Variants in UTS2B observed in about 807,000 individuals in gnomAD.
UTS2B encodes the protein urotensin 2B.
Under a neutral mutation model 19.2 loss-of-function variants are expected in UTS2B, and 21 were observed. The observed-to-expected ratio is 1.09, with a 90% CI of 0.78 to 1.58. The LOEUF is 1.58. Ranked by LOEUF, UTS2B falls within the 40% of genes most tolerant of loss-of-function variation. The pLI is 0.00. For missense variants in UTS2B, 138 were observed against 130.3 expected (o/e 1.06, Z -0.29); for synonymous variants, 57 against 50.2 (o/e 1.14, Z -0.58).
intron 8 of UTS2B, 60 bp from the exon 9 acceptor site, chr3:191,268,501 GAATC>G: frequency 7.9e-7 from 1 of 1,262,754 alleles, no homozygotes; most frequent in African/African-American, 1.5e-5. Context: ...ACTTGCTCTT[GAATC>G]AATAGCTTAT....
At chr3:191,301,060 T>C (rs113571772) in intron 4 of UTS2B, among the ~76,000 whole-genome samples, 7 of 152,288 alleles carry the variant, frequency 4.6e-5, no homozygotes, top group African/African-American at 1.7e-4. Flanking sequence ...TTTTTCTTCT[T>C]TATTTATGAA....
the UTS2B span, among the ~76,000 whole-genome samples, chr3:191,339,322 GA>G: frequency 3.2e-4 from 49 of 152,244 alleles, no homozygotes; most frequent in African/African-American, 1.2e-3. Flanking sequence ...GCAGTGCTAC[GA>G]AAAACAAATG....
intron 5 of UTS2B, among the ~76,000 whole-genome samples, chr3:191,281,530 G>A (rs1361732678): frequency 6.6e-6 from 1 of 151,422 alleles, no homozygotes; most frequent in Non-Finnish European, 1.5e-5. Context: ...TGTCATAGAT[G>A]GAAATGTGAT....
chr3:191,328,945 G>GT (rs1460160181), intron 1 of UTS2B: 1 of 152,208 alleles, frequency 6.6e-6, no homozygotes. Flanking sequence ...TGTATTTGGG[G>GT]TTTTTATGGC....
intron 2 of UTS2B, among the ~76,000 whole-genome samples, chr3:191,323,684 T>C (rs1162384806): frequency 6.6e-6 from 1 of 152,074 alleles, no homozygotes; most frequent in African/African-American, 2.4e-5. Flanking sequence ...GAATTGAGGG[T>C]ATTGAGTAGG....
At chr3:191,329,341 G>T (rs1576941747) in intron 1 of UTS2B, 1 of 287,802 alleles carries the variant, frequency 3.5e-6, no homozygotes, top group Non-Finnish European at 6.4e-6. Flanking sequence ...CCCCCAGCCG[G>T]CCCGCCCGCC....
chr3:191,274,331 A>G (rs1716172145), intron 8 of UTS2B, among the ~76,000 whole-genome samples: 1 of 152,228 alleles, frequency 6.6e-6, no homozygotes, highest in Non-Finnish European at 1.5e-5. Context: ...TAATTTTTTA[A>G]GTTAAGCTTA....
At chr3:191,322,954 G>GAAGA (rs1192600250) in intron 2 of UTS2B, among the ~76,000 whole-genome samples, 1 of 152,178 alleles carries the variant, frequency 6.6e-6, no homozygotes, top group Non-Finnish European at 1.5e-5. Context: ...AATTGGAACA[G>GAAGA]AAGAAAGCCC....
chr3:191,303,546 ACT>A (rs1717057969), intron 4 of UTS2B, among the ~76,000 whole-genome samples: 1 of 150,584 alleles, frequency 6.6e-6, no homozygotes, highest in Non-Finnish European at 1.5e-5. Context: ...AAAAAAAAAA[ACT>A]CACTGTTAAT....
chr3:191,304,430 ACTAG>A (rs1310250334), intron 4 of UTS2B, 58 bp downstream of exon 4: 1 of 152,164 alleles, frequency 6.6e-6, no homozygotes, highest in Non-Finnish European at 1.5e-5. Context: ...CACGTTGGTA[ACTAG>A]CTAGTTAACA....
chr3:191,298,131 A>G (rs1482692560), intron 4 of UTS2B, among the ~76,000 whole-genome samples: 1 of 152,208 alleles, frequency 6.6e-6, no homozygotes, highest in East Asian at 1.9e-4. Context: ...TTTTTAGGGA[A>G]AAAAGGTAAG....
intron 2 of UTS2B, among the ~76,000 whole-genome samples, chr3:191,326,634 C>T (rs955935453): frequency 6.6e-6 from 1 of 152,196 alleles, no homozygotes; most frequent in African/African-American, 2.4e-5. Context: ...TGTATCCATC[C>T]TGAGAAGCCT....
At chr3:191,323,690 G>C (rs1717669307) in intron 2 of UTS2B, among the ~76,000 whole-genome samples, 1 of 152,156 alleles carries the variant, frequency 6.6e-6, no homozygotes, top group South Asian at 2.1e-4. Context: ...AGGGTATTGA[G>C]TAGGGCGTGA....
At chr3:191,343,228 C>T in the UTS2B span, among the ~76,000 whole-genome samples, 1 of 152,090 alleles carries the variant, frequency 6.6e-6, no homozygotes, top group Non-Finnish European at 1.5e-5. Flanking sequence ...CTTATGATGG[C>T]TATTATTTCT....
intron 3 of UTS2B, among the ~76,000 whole-genome samples, chr3:191,307,849 T>C (rs1463653474): frequency 6.6e-6 from 1 of 150,930 alleles, no homozygotes; most frequent in Non-Finnish European, 1.5e-5. Context: ...TTTTTTTTTT[T>C]TTTTGAGTCA....
intron 2 of UTS2B, among the ~76,000 whole-genome samples, chr3:191,322,959 A>C (rs1220057965): frequency 6.6e-6 from 1 of 152,150 alleles, no homozygotes; most frequent in Non-Finnish European, 1.5e-5. Flanking sequence ...GAACAGAAGA[A>C]AGCCCCACAG....
intron 4 of UTS2B, among the ~76,000 whole-genome samples, chr3:191,289,281 C>T (rs996961548): frequency 5.1e-4 from 77 of 151,904 alleles, no homozygotes; most frequent in African/African-American, 1.5e-3. Flanking sequence ...TGGTGGCAGG[C>T]GCCTGTAGGC....
the UTS2B span, among the ~76,000 whole-genome samples, chr3:191,343,532 A>T: frequency 4.6e-5 from 7 of 152,250 alleles, no homozygotes; most frequent in African/African-American, 1.7e-4. Flanking sequence ...GAACAATTTA[A>T]AAACAGCAGA....
chr3:191,309,905 T>C (rs1717246095), intron 3 of UTS2B, among the ~76,000 whole-genome samples: 1 of 152,154 alleles, frequency 6.6e-6, no homozygotes, highest in East Asian at 1.9e-4. Flanking sequence ...TAAACCTCTT[T>C]TCTTCATAAA....
Sources: gnomAD v4.1 joint callset for allele counts (sites outside exome capture counted in the v4.1 genomes callset) on GRCh38, gnomAD v4.1.1 for gene constraint, MANE v1.5 for transcripts, NCBI Gene and HGNC (gene_info 2026-07-23, HGNC 2026-07-21) for gene names.